FOCAD: variants seen among roughly 807,000 people sequenced by gnomAD.
The protein encoded by FOCAD is focadhesin.
Under a neutral mutation model 225.6 loss-of-function variants are expected in FOCAD, and 198 were observed. The ratio of observed to expected loss-of-function variants is 0.88; its 90% CI spans 0.78 to 0.99. FOCAD has a LOEUF of 0.99. Ranked by LOEUF, FOCAD falls within the 50% of genes least tolerant of loss-of-function variation. The probability of loss-of-function intolerance (pLI) is 0.00; values close to 1 mark genes in which losing one functional copy is unlikely to be tolerated. For missense variants in FOCAD, 2,713 were observed against 2,123.6 expected (o/e 1.28, Z -5.46); for synonymous variants, 897 against 755.0 (o/e 1.19, Z -3.08).
chr9:20,708,048 A>C (rs1455506220), intron 1 of FOCAD, among the ~76,000 whole-genome samples: 4 of 152,144 alleles, frequency 2.6e-5, no homozygotes, highest in African/African-American at 9.7e-5. Flanking sequence ...GGCATTTGAA[A>C]AGTATAGGCA....
intron 1 of FOCAD, among the ~76,000 whole-genome samples, chr9:20,707,022 G>T (rs1824445345): frequency 6.6e-6 from 1 of 152,166 alleles, no homozygotes; most frequent in Non-Finnish European, 1.5e-5. Context: ...CCACTGGAGA[G>T]AACTTGATCA....
At position 20,944,719 on chromosome 9, in the gene FOCAD, G is replaced by A. The variant is rs140712285; in HGVS notation, c.3500G>A (p.Arg1167Gln). 7.4e-6 allele frequency: 12 copies of A among 1,613,888 alleles called. 1 individual carries two copies. Among genetic ancestry groups the A allele is most frequent in the African/African-American group, 4.0e-5 (3 of 74,930 alleles). ...QSRVHVAALL[R>Q]KLSAHVDDSG... ...CGCGTTCACGTAGCAGCATTGCTCC[G>A]GAAGCTGTCTGCGCACGTAGATGAC... Residue 1167 changes from arginine to glutamine, a missense_variant, in exon 29 of 44, where the codon CGG becomes CAG. Arg to Gln is a conservative substitution (Grantham distance 43, BLOSUM62 1). Transcript: ENST00000338382.
At chr9:20,961,647 C>A (rs1838741414) in intron 35 of FOCAD, among the ~76,000 whole-genome samples, 1 of 152,100 alleles carries the variant, frequency 6.6e-6, no homozygotes, top group Non-Finnish European at 1.5e-5. Flanking sequence ...AGGGTTCAAT[C>A]TGTCTTTCTT....
chr9:20,934,272 A>G (rs190680052), intron 28 of FOCAD, among the ~76,000 whole-genome samples: 8 of 152,248 alleles, frequency 5.3e-5, no homozygotes, highest in Admixed American at 2.0e-4. Flanking sequence ...TTCATCATGA[A>G]ATCCTTGTCT....
intron 2 of FOCAD, among the ~76,000 whole-genome samples, chr9:20,678,304 A>G (rs1400337258): frequency 6.6e-6 from 1 of 152,204 alleles, no homozygotes; most frequent in Non-Finnish European, 1.5e-5. Context: ...TGGCTACATC[A>G]TTCTTATTGC....
chr9:20,912,923 G>A lies in FOCAD; in HGVS notation c.2776G>A (p.Val926Met), dbSNP rs763178894. ...ACATGGAAAAGAAGAACCTGAGGAG[G>A]TGCAGTACAAAAAAAGCACAGCCTG... is the stretch of plus-strand genomic sequence containing the variant. ...LKHGKEEPEE[V>M]QYKKSTAWLW... Residue 926 changes from valine to methionine, a missense_variant, in exon 23 of 44, where the codon GTG (valine) becomes ATG (methionine). Transcript: ENST00000338382. 1 of 1,613,140 alleles carries A rather than the reference G, an allele frequency of 6.2e-7. No homozygotes were observed. The highest frequency in any genetic ancestry group is 1.1e-5 in the South Asian group (1 of 90,990).
At chr9:20,778,798 A>G (rs868239868) in intron 9 of FOCAD, 30 bp downstream of exon 9, 5 of 1,280,710 alleles carry the variant, frequency 3.9e-6, no homozygotes, top group Middle Eastern at 1.8e-4. Context: ...CTAGAGTAAA[A>G]TGTAAATATA....
intron 14 of FOCAD, among the ~76,000 whole-genome samples, 162 bp from the exon 15 acceptor site, chr9:20,822,825 GAT>G (rs1824470087): frequency 6.9e-6 from 1 of 143,892 alleles, no homozygotes; most frequent in African/African-American, 2.5e-5. Flanking sequence ...AAATGATCAT[GAT>G]GCACATTTTT....
chr9:20,938,379 AC>A (rs1461950711), intron 28 of FOCAD, among the ~76,000 whole-genome samples: 7 of 152,174 alleles, frequency 4.6e-5, no homozygotes, highest in Non-Finnish European at 7.4e-5. Flanking sequence ...GCACATATAC[AC>A]CATGGAATAC....
At chr9:20,831,323 A>G (rs1825472089) in intron 15 of FOCAD, among the ~76,000 whole-genome samples, 1 of 152,144 alleles carries the variant, frequency 6.6e-6, no homozygotes, top group African/African-American at 2.4e-5. Flanking sequence ...ACATTGGCAC[A>G]GCTTCTCTTT....
chr9:20,758,854 A>G (rs1270816691), intron 6 of FOCAD, among the ~76,000 whole-genome samples: 1 of 152,182 alleles, frequency 6.6e-6, no homozygotes, highest in East Asian at 1.9e-4. Flanking sequence ...ACATGATTGT[A>G]TATCTAGAAA....
At chr9:20,873,299 C>A (rs996917903) in intron 18 of FOCAD, among the ~76,000 whole-genome samples, 18 of 152,112 alleles carry the variant, frequency 1.2e-4, no homozygotes, top group African/African-American at 3.4e-4. Context: ...ACTTCTTTCT[C>A]AGGACTTTTT....
intron 21 of FOCAD, among the ~76,000 whole-genome samples, chr9:20,886,946 C>T (rs1831149627): frequency 6.6e-6 from 1 of 152,176 alleles, no homozygotes; most frequent in Admixed American, 6.5e-5. Flanking sequence ...GGTCACATAG[C>T]TAACAAGTAG....
At chr9:20,751,316 C>T (rs184399514) in intron 5 of FOCAD, among the ~76,000 whole-genome samples, 1,403 of 120,658 alleles carry the variant, frequency 0.012, 9 homozygotes, top group Non-Finnish European at 0.018. Flanking sequence ...CCCCCTCCCC[C>T]CACCCCACAA....
chr9:20,847,566 G>A (rs1827244229), intron 15 of FOCAD, among the ~76,000 whole-genome samples: 1 of 151,516 alleles, frequency 6.6e-6, no homozygotes. Context: ...TAGTTGGTGT[G>A]ACAAGAATAG....
intron 4 of FOCAD, among the ~76,000 whole-genome samples, chr9:20,735,335 T>TC (rs899437111): frequency 2.0e-5 from 3 of 152,194 alleles, no homozygotes; most frequent in Non-Finnish European, 2.9e-5. Context: ...TTACATTTTT[T>TC]CTCCATAAAT....
intron 15 of FOCAD, among the ~76,000 whole-genome samples, chr9:20,848,186 A>T (rs1827304352): frequency 6.7e-6 from 1 of 148,936 alleles, no homozygotes; most frequent in South Asian, 2.1e-4. Context: ...CTGTATGCTT[A>T]GCTTCAAGAA....
intron 21 of FOCAD, among the ~76,000 whole-genome samples, chr9:20,904,565 A>G (rs1832800711): frequency 6.6e-6 from 1 of 151,930 alleles, no homozygotes. Context: ...GCACATGTGT[A>G]GTATTTCATT....
chr9:20,658,061 C>T (rs1339609640), upstream of FOCAD, among the ~76,000 whole-genome samples: 4 of 147,040 alleles, frequency 2.7e-5, no homozygotes, highest in Non-Finnish European at 6.0e-5. Flanking sequence ...TGTGCCCCTG[C>T]TGGGGGGTGC....
Sources: allele counts gnomAD v4.1 joint callset (sites outside exome capture counted in the v4.1 genomes callset), GRCh38; gene constraint gnomAD v4.1.1; transcripts MANE v1.5; gene names NCBI Gene and HGNC (gene_info 2026-07-23, HGNC 2026-07-21).